ZFHX3: variants seen among roughly 807,000 people sequenced by gnomAD.
ZFHX3 encodes the protein zinc finger homeobox protein 3.
ZFHX3 carries 42 observed loss-of-function variants against 279.1 expected under a neutral mutation model. The observed-to-expected ratio is 0.15, with a 90% CI of 0.12 to 0.19. ZFHX3 has a LOEUF of 0.19. ZFHX3 is among the 10% of genes least tolerant of loss of function. The probability of loss-of-function intolerance (pLI) is 1.00; values close to 1 mark genes in which losing one functional copy is unlikely to be tolerated. For synonymous variants in ZFHX3, 2,293 were observed against 1,957.8 expected (o/e 1.17, Z -4.52); for missense variants, 4,981 against 4,754.0 (o/e 1.05, Z -1.40).
intron 5 of ZFHX3, among the ~76,000 whole-genome samples, chr16:72,814,405 C>T (rs1165497038): frequency 2.0e-5 from 3 of 152,140 alleles, no homozygotes; most frequent in Non-Finnish European, 2.9e-5. Flanking sequence ...GGCACCGAGG[C>T]TGAGACCACC....
chr16:73,825,605 C>A (rs1463010537), intron 1 of ZFHX3, among the ~76,000 whole-genome samples: 1 of 76,946 alleles, frequency 1.3e-5, no homozygotes, highest in Non-Finnish European at 2.3e-5. Context: ...GATCCAGTTT[C>A]AGCTTTCTAC....
intron 3 of ZFHX3, among the ~76,000 whole-genome samples, chr16:73,438,858 G>A (rs1240564583): frequency 6.6e-6 from 1 of 152,140 alleles, no homozygotes; most frequent in Non-Finnish European, 1.5e-5. Flanking sequence ...GTTTTCCAAT[G>A]GAGAGAAAAT....
intron 2 of ZFHX3, chr16:73,679,575 C>T (rs1282293585): frequency 6.6e-6 from 1 of 152,234 alleles, no homozygotes; most frequent in East Asian, 1.9e-4. Flanking sequence ...GTACAATTTT[C>T]TGGTGAGTGA....
At chr16:73,261,283 AAGG>A (rs1397969589) in intron 4 of ZFHX3, among the ~76,000 whole-genome samples, 1 of 152,214 alleles carries the variant, frequency 6.6e-6, no homozygotes, top group Non-Finnish European at 1.5e-5. Flanking sequence ...GCACTACTAA[AAGG>A]AGAAATATAT....
intron 7 of ZFHX3, among the ~76,000 whole-genome samples, chr16:73,120,247 T>C (rs1195529996): frequency 6.6e-6 from 1 of 152,094 alleles, no homozygotes; most frequent in African/African-American, 2.4e-5. Flanking sequence ...CCACATTCCA[T>C]ACTATTTTTG....
At chr16:73,782,535 C>G (rs1331577052) in intron 1 of ZFHX3, among the ~76,000 whole-genome samples, 1 of 152,174 alleles carries the variant, frequency 6.6e-6, no homozygotes, top group Non-Finnish European at 1.5e-5. Flanking sequence ...CATCCTTCCC[C>G]TTAGAGAACA....
intron 1 of ZFHX3, among the ~76,000 whole-genome samples, chr16:73,766,342 A>C (rs1046027411): frequency 6.6e-6 from 1 of 152,156 alleles, no homozygotes; most frequent in African/African-American, 2.4e-5. Context: ...CTGCGAAATA[A>C]ATGGCCCAGG....
At position 73,406,532 on chromosome 16, in the gene ZFHX3, G is replaced by A. The variant is rs144412738; in HGVS notation, c.-1291+49471C>T. Among the ~76,000 whole-genome samples, 534 of 152,270 alleles carry A rather than the reference G, an allele frequency of 3.5e-3. 1 individual carries two copies. The highest frequency in any genetic ancestry group is 5.0e-3 in the Non-Finnish European group (343 of 68,030). On this transcript the variant is annotated intron_variant, in intron 3 of 17. Transcript: ENST00000641206. ...TTTTGGCAGATACTGACAGCTTCGC[G>A]TAGCTGCTCCAGGCTCAACAATTCG...
intron 5 of ZFHX3, among the ~76,000 whole-genome samples, chr16:72,827,296 A>G (rs1275835411): frequency 6.6e-6 from 1 of 152,092 alleles, no homozygotes; most frequent in Non-Finnish European, 1.5e-5. Context: ...CAAACAAACA[A>G]CTTACATAGA....
At chr16:73,723,899 G>C (rs1236513687) in intron 1 of ZFHX3, among the ~76,000 whole-genome samples, 1 of 152,174 alleles carries the variant, frequency 6.6e-6, no homozygotes, top group African/African-American at 2.4e-5. Flanking sequence ...GATTATTTAA[G>C]CATTGAAGAA....
intron 1 of ZFHX3, among the ~76,000 whole-genome samples, chr16:73,016,316 T>C (rs148730371): frequency 2.0e-4 from 30 of 152,274 alleles, no homozygotes; most frequent in Middle Eastern, 3.4e-3. Flanking sequence ...GATTACTCAA[T>C]AGGATTTAAA....
chr16:73,040,054 G>T (rs9940430), intron 1 of ZFHX3, among the ~76,000 whole-genome samples: 6,174 of 152,272 alleles, frequency 0.041, 417 homozygotes, highest in African/African-American at 0.14. Flanking sequence ...TTTCAAGCTA[G>T]TAGGTAAACA....
intron 3 of ZFHX3, among the ~76,000 whole-genome samples, chr16:73,416,442 C>T (rs537469471): frequency 1.3e-5 from 2 of 152,218 alleles, no homozygotes; most frequent in Non-Finnish European, 1.5e-5. Flanking sequence ...GACTAGAAAA[C>T]CAGTATTGGA....
At chr16:73,692,231 G>A (rs950520017) in intron 1 of ZFHX3, among the ~76,000 whole-genome samples, 7 of 152,172 alleles carry the variant, frequency 4.6e-5, no homozygotes, top group East Asian at 1.9e-4. Flanking sequence ...ATGATAGTGC[G>A]TAGGAGGGCA....
chr16:73,445,258 G>A (rs1033901977), intron 3 of ZFHX3, among the ~76,000 whole-genome samples: 5 of 148,926 alleles, frequency 3.4e-5, no homozygotes, highest in Admixed American at 1.4e-4. Context: ...GTGTATATGT[G>A]TGTATATGTA....
At chr16:73,188,802 T>C (rs9939492) in intron 5 of ZFHX3, among the ~76,000 whole-genome samples, 48,869 of 151,786 alleles carry the variant, frequency 0.32, 8,187 homozygotes, top group African/African-American at 0.4. Flanking sequence ...CCTGAAACAC[T>C]TAGGTTCTCA....
chr16:73,854,839 T>G (rs886417774), intron 1 of ZFHX3, among the ~76,000 whole-genome samples: 4 of 151,382 alleles, frequency 2.6e-5, no homozygotes, highest in African/African-American at 9.7e-5. Context: ...ATTGCACTTG[T>G]ATCTGGGTTT....
At chr16:73,033,751 CA>C (rs1423073053) in intron 1 of ZFHX3, among the ~76,000 whole-genome samples, 1 of 152,128 alleles carries the variant, frequency 6.6e-6, no homozygotes, top group East Asian at 1.9e-4. Flanking sequence ...CTCAGCTTAC[CA>C]GGGGCACAAA....
intron 1 of ZFHX3, among the ~76,000 whole-genome samples, chr16:73,865,947 T>A (rs1178066602): frequency 6.6e-6 from 1 of 151,546 alleles, no homozygotes; most frequent in Non-Finnish European, 1.5e-5. Flanking sequence ...ATCGCACCAC[T>A]GCACTCCAGC....
Sources: gnomAD v4.1 joint callset for allele counts (sites outside exome capture counted in the v4.1 genomes callset) on GRCh38, gnomAD v4.1.1 for gene constraint, MANE v1.5 for transcripts, NCBI Gene and HGNC (gene_info 2026-07-23, HGNC 2026-07-21) for gene names.